GAD1: variants seen among roughly 807,000 people sequenced by gnomAD.
The protein encoded by GAD1 is glutamate decarboxylase 1.
Under a neutral mutation model 75.2 loss-of-function variants are expected in GAD1, and 35 were observed. The ratio of observed to expected loss-of-function variants is 0.47; its 90% CI spans 0.36 to 0.62. The LOEUF is 0.62. Among genes scored for constraint, GAD1 ranks in the 20% least tolerant of loss-of-function variants. The probability of loss-of-function intolerance (pLI) is 0.00; values close to 1 mark genes in which losing one functional copy is unlikely to be tolerated. For missense variants in GAD1, 490 were observed against 758.5 expected (o/e 0.65, Z 4.16); for synonymous variants, 257 against 271.9 (o/e 0.95, Z 0.54).
intron 16 of GAD1, 41 bp from the exon 17 acceptor site, chr2:170,859,668 C>A: frequency 6.3e-7 from 1 of 1,597,768 alleles, no homozygotes; most frequent in Non-Finnish European, 8.6e-7. Flanking sequence ...AGAGGGTGTT[C>A]ATATCAATCT....
At position 170,853,749 on chromosome 2, in the gene GAD1, A is replaced by G. The variant is rs1702794726; in HGVS notation, c.1264-124A>G. The G allele has an allele frequency of 2.1e-6, 2 of 945,840 alleles. No homozygotes were observed. Among genetic ancestry groups the G allele is most frequent in the Non-Finnish European group, 3.4e-6 (2 of 585,512 alleles). The allele number at this position is 945,840 out of a possible 1,614,324, so 58.6% of individuals were successfully genotyped here. ...GGCATCAGAACAAGTGTAAGGCCTC[A>G]TAAAGACATCAGAAGAAAGATTGCA... On this transcript the variant is annotated intron_variant, in intron 13 of 16. Transcript: ENST00000358196. This position sits in a 1 kb window ranked among gnomAD's most constrained non-coding sequence, Gnocchi z 4.1.
At chr2:170,813,943 C>A (rs542204179), upstream of GAD1, among the ~76,000 whole-genome samples, 16 of 152,242 alleles carry the variant, frequency 1.1e-4, no homozygotes, top group South Asian at 3.3e-3. Context: ...TTGAGCGCCG[C>A]GTTCCCATTT....
rs373042715 is a variant in GAD1 at position 170,829,597 on chromosome 2, C to A, written c.268C>A (p.Arg90Ser). The A allele has an allele frequency of 6.2e-7, 1 of 1,613,658 alleles. No homozygotes were observed. The highest frequency in any genetic ancestry group is 1.7e-5 in the Admixed American group (1 of 60,022). The stretch of plus-strand genomic sequence containing the variant: ...CAGCGACCGGGATGCCCGCTTCCGG[C>A]GCACAGAGACTGACTTCTCTAATCT... ...ENSDRDARFRRTETDFSNLFA... is the reference protein window; with the variant it reads ...ENSDRDARFRSTETDFSNLFA... The change falls in exon 4 of 17, where the codon CGC (arginine) becomes AGC (serine). Residue 90 changes from arginine (R) to serine (S), a missense_variant. Arg to Ser is a moderately radical substitution (Grantham distance 110). Transcript: ENST00000358196.
intron 13 of GAD1, 72 bp downstream of exon 13, chr2:170,852,864 T>A: frequency 7.5e-7 from 1 of 1,331,130 alleles, no homozygotes. Flanking sequence ...ACACGTGGGG[T>A]CTCTTTGCAG....
Position 170,853,903 on chromosome 2 carries a change from G to A in GAD1, c.1294G>A (p.Ala432Thr), listed in dbSNP as rs1164067313. The A allele has an allele frequency of 1.2e-6, 2 of 1,614,028 alleles. No individual in the cohort carries two copies. Among genetic ancestry groups the A allele is most frequent in the Admixed American group, 3.3e-5 (2 of 59,998 alleles). ...GILQGCNQMC[A>T]GYLFQPDKQY... Reference sequence around the variant, plus strand: ...ACTCCAAGGATGCAACCAGATGTGTGCAGGATACCTCTTCCAGCCAGACAA... The same window carrying A: ...ACTCCAAGGATGCAACCAGATGTGTACAGGATACCTCTTCCAGCCAGACAA... The change falls in exon 14 of 17, where the codon GCA becomes ACA. Residue 432 changes from alanine to threonine, a missense_variant. Coordinates refer to ENST00000358196, the MANE Select transcript of GAD1 (RefSeq NM_000817.3). This position sits in a 1 kb window ranked among gnomAD's most constrained non-coding sequence, Gnocchi z 4.1.
At position 170,859,958 on chromosome 2, in the gene GAD1, T is replaced by A; in HGVS notation, c.*76T>A. 1 of 1,332,484 alleles carries A rather than the reference T, an allele frequency of 7.5e-7. No individual in the cohort carries two copies. The highest frequency in any genetic ancestry group is 1.1e-6 in the Non-Finnish European group (1 of 936,400). The allele number at this position is 1,332,484 out of a possible 1,614,324, so 82.5% of individuals were successfully genotyped here. ...TCCAGAACAAACCTCTATATGTTGC[T>A]GAAACACACAGGCCATTTCATTGAG... On this transcript the variant is annotated 3_prime_UTR_variant, in exon 17 of 17. Transcript: ENST00000358196.
chr2:170,821,471 C>T (rs1279081718), intron 2 of GAD1, among the ~76,000 whole-genome samples: 6 of 152,122 alleles, frequency 3.9e-5, no homozygotes, highest in East Asian at 1.9e-4. Flanking sequence ...GGACCTGAGG[C>T]GCACTATTGT....
At chr2:170,814,814 A>G (rs1701666949), upstream of GAD1, among the ~76,000 whole-genome samples, 1 of 152,126 alleles carries the variant, frequency 6.6e-6, no homozygotes. Flanking sequence ...TTCTCCAACG[A>G]GATTATTTCA....
intron 4 of GAD1, among the ~76,000 whole-genome samples, 168 bp from the exon 5 acceptor site, chr2:170,830,782 G>T (rs1326002867): frequency 2.6e-5 from 4 of 152,190 alleles, no homozygotes; most frequent in Admixed American, 6.5e-5. Flanking sequence ...AAACTTCTGT[G>T]TATGTGCATT....
intron 12 of GAD1, 58 bp from the exon 13 acceptor site, chr2:170,852,656 G>C: frequency 6.9e-7 from 1 of 1,446,834 alleles, no homozygotes. Flanking sequence ...TTCCTCAAGA[G>C]AACAGTTGCG....
chr2:170,832,690 A>ACACG, intron 5 of GAD1, among the ~76,000 whole-genome samples: 1 of 151,930 alleles, frequency 6.6e-6, no homozygotes, highest in Admixed American at 6.6e-5. Context: ...ACACACACAC[A>ACACG]CACACATACA....
chr2:170,831,594 ATGTGTGTGTG>A lies in GAD1; in HGVS notation c.547+434_547+443del, dbSNP rs370649454. ...ACATGGCGAAACCTTGTCTCTACATATGTGTGTGTGTGTGTGTGTGTGTGTGTGTGTGTGT... is the reference window on the plus strand; with the variant it reads ...ACATGGCGAAACCTTGTCTCTACATATGTGTGTGTGTGTGTGTGTGTGTGT... On this transcript the variant is annotated intron_variant, in intron 5 of 16. Transcript: ENST00000358196. Among the ~76,000 whole-genome samples, 480 of 122,784 alleles carry A rather than the reference ATGTGTGTGTG, an allele frequency of 3.9e-3. 1 individual carries two copies. The highest frequency in any genetic ancestry group is 0.013 in the African/African-American group (408 of 32,394). The allele number at this position is 122,784 out of a possible 152,430, so 80.6% of individuals were successfully genotyped here.
At chr2:170,836,637 A>G (rs1453410325) in intron 5 of GAD1, among the ~76,000 whole-genome samples, 156 bp from the exon 6 acceptor site, 1 of 152,206 alleles carries the variant, frequency 6.6e-6, no homozygotes, top group African/African-American at 2.4e-5. Context: ...GGGTGGGTCA[A>G]CCTGCCCTTC....
chr2:170,855,212 T>C (rs1272741406), intron 14 of GAD1, among the ~76,000 whole-genome samples: 2 of 143,308 alleles, frequency 1.4e-5, no homozygotes, highest in Non-Finnish European at 3.1e-5. Context: ...ATTTTGTCTT[T>C]TTTTTTTTTT....
rs779235511 is a variant in GAD1, at chr2:170,854,026, T to C, written c.1413+4T>C. 1.2e-6 allele frequency: 2 copies of C among 1,614,124 alleles called. No homozygotes were observed. The highest frequency in any genetic ancestry group is 3.3e-5 in the Admixed American group (2 of 60,006). On this transcript the variant is annotated splice_donor_region_variant and intron_variant, in intron 14 of 16. Coordinates refer to ENST00000358196, the MANE Select transcript of GAD1 (RefSeq NM_000817.3). ...CTGGCTGATGTGGAAAGCAAAGGTA[T>C]GAAGGGAATAGTTCAGGAAATAGAG...
intron 14 of GAD1, among the ~76,000 whole-genome samples, 180 bp from the exon 15 acceptor site, chr2:170,856,838 C>G (rs1702864201): frequency 6.6e-6 from 1 of 152,218 alleles, no homozygotes; most frequent in South Asian, 2.1e-4. Context: ...GAAGCAGGCA[C>G]ACATCATTTA....
At chr2:170,824,614 C>T (rs1559269731) in intron 3 of GAD1, among the ~76,000 whole-genome samples, 1 of 152,124 alleles carries the variant, frequency 6.6e-6, no homozygotes, top group African/African-American at 2.4e-5. Flanking sequence ...ACCCACTCTC[C>T]CCCTGCCCTT....
intron 15 of GAD1, among the ~76,000 whole-genome samples, chr2:170,857,579 C>G (rs1702878138): frequency 6.6e-6 from 1 of 151,958 alleles, no homozygotes; most frequent in South Asian, 2.1e-4. Context: ...GACCCTGTCT[C>G]TATAAGAAAA....
chr2:170,847,542 C>A, intron 10 of GAD1, 134 bp from the exon 11 acceptor site: 1 of 760,230 alleles, frequency 1.3e-6, no homozygotes, highest in Non-Finnish European at 2.4e-6. Context: ...CACTACTAGA[C>A]ATAGTATCTG....
Sources: allele counts gnomAD v4.1 joint callset (sites outside exome capture counted in the v4.1 genomes callset), GRCh38; gene constraint gnomAD v4.1.1; non-coding constraint Gnocchi (gnomAD v3.1); transcripts MANE v1.5; gene names NCBI Gene and HGNC (gene_info 2026-07-23, HGNC 2026-07-21).